RP1: variants seen among roughly 807,000 people sequenced by gnomAD.
RP1 encodes the protein oxygen-regulated protein 1.
A neutral mutation model predicts 14.8 loss-of-function variants in RP1; 16 were observed. The observed-to-expected ratio is 1.08, with a 90% CI of 0.73 to 1.65. The LOEUF (loss-of-function observed/expected upper bound fraction) is 1.65. Ranked by LOEUF, RP1 falls within the 40% of genes most tolerant of loss-of-function variation. The pLI is 0.00. For missense variants in RP1, 2,631 were observed against 2,535.0 expected (o/e 1.04, Z -0.81); for synonymous variants, 876 against 883.6 (o/e 0.99, Z 0.15).
At chr8:54,774,916 T>G (rs906469019), downstream of RP1, among the ~76,000 whole-genome samples, 1 of 152,208 alleles carries the variant, frequency 6.6e-6, no homozygotes, top group African/African-American at 2.4e-5. Flanking sequence ...TATGTCTTGT[T>G]AATCTGAAGC....
At chr8:54,646,436 C>G (rs1303309523) in intron 3 of RP1, among the ~76,000 whole-genome samples, 1 of 152,042 alleles carries the variant, frequency 6.6e-6, no homozygotes, top group South Asian at 2.1e-4. Context: ...GGCCTATTAC[C>G]TCATATAGAT....
At chr8:54,868,900 G>A (rs1563401523) in intron 28 of RP1, among the ~76,000 whole-genome samples, 1 of 152,104 alleles carries the variant, frequency 6.6e-6, no homozygotes, top group South Asian at 2.1e-4. Flanking sequence ...AAGATATAGA[G>A]GGGTTACATT....
intron 25 of RP1, among the ~76,000 whole-genome samples, chr8:54,848,254 C>T (rs1265433235): frequency 6.6e-6 from 1 of 152,192 alleles, no homozygotes; most frequent in Non-Finnish European, 1.5e-5. Flanking sequence ...CAATTTCCAC[C>T]TGCTTCTGCA....
At chr8:54,665,532 G>A (rs1307331963) in intron 7 of RP1, among the ~76,000 whole-genome samples, 7 of 152,106 alleles carry the variant, frequency 4.6e-5, no homozygotes, top group African/African-American at 7.2e-5. Flanking sequence ...GATCAAGTTC[G>A]TTTTTTCCTC....
intron 15 of RP1, among the ~76,000 whole-genome samples, chr8:54,708,363 T>C (rs2129345787): frequency 6.6e-6 from 1 of 151,610 alleles, no homozygotes; most frequent in South Asian, 2.1e-4. Context: ...GTTTTTTTTT[T>C]TTTTCTTTTT....
chr8:54,824,558 A>G (rs561695914), intron 24 of RP1, among the ~76,000 whole-genome samples: 1 of 152,224 alleles, frequency 6.6e-6, no homozygotes, highest in Non-Finnish European at 1.5e-5. Flanking sequence ...AACTCATTCT[A>G]TGAAGCCATT....
intron 9 of RP1, chr8:54,679,377 A>C (rs913397665): frequency 7.4e-5 from 110 of 1,483,682 alleles, no homozygotes; most frequent in Non-Finnish European, 9.9e-5. Flanking sequence ...GGTTAATGTA[A>C]ATATAAAGTC....
intron 1 of RP1, among the ~76,000 whole-genome samples, chr8:54,617,337 G>A (rs187983555): frequency 6.6e-6 from 1 of 152,274 alleles, no homozygotes; most frequent in Admixed American, 6.5e-5. Flanking sequence ...AATTTAAAGG[G>A]CATAAGATAC....
At chr8:54,793,357 C>T (rs969316511) in intron 24 of RP1, among the ~76,000 whole-genome samples, 13 of 151,940 alleles carry the variant, frequency 8.6e-5, no homozygotes, top group African/African-American at 2.4e-4. Context: ...GATACCAAAG[C>T]CAGACAGGAT....
intron 27 of RP1, chr8:54,857,109 A>G: frequency 1.7e-6 from 2 of 1,207,076 alleles, no homozygotes; most frequent in Non-Finnish European, 2.1e-6. Flanking sequence ...AGGTCCAGGT[A>G]AGATTTAGTT....
chr8:54,669,707 A>G (rs1807104799), intron 7 of RP1, among the ~76,000 whole-genome samples: 1 of 152,200 alleles, frequency 6.6e-6, no homozygotes, highest in Non-Finnish European at 1.5e-5. Context: ...ATAAAAAAGG[A>G]TGAGTTCATG....
chr8:54,611,697 A>G (rs140286032), upstream of RP1, among the ~76,000 whole-genome samples: 12 of 152,212 alleles, frequency 7.9e-5, 1 homozygote, highest in South Asian at 2.1e-4. Context: ...TGGCTTCCTC[A>G]GGGACATTTT....
intron 27 of RP1, among the ~76,000 whole-genome samples, chr8:54,861,022 G>T (rs1812330575): frequency 6.6e-6 from 1 of 152,116 alleles, no homozygotes; most frequent in Admixed American, 6.6e-5. Context: ...TAAAGCAAGT[G>T]AAAAGTAATT....
intron 19 of RP1, among the ~76,000 whole-genome samples, chr8:54,744,197 T>G (rs935313843): frequency 6.6e-6 from 1 of 152,208 alleles, no homozygotes; most frequent in African/African-American, 2.4e-5. Context: ...ATGACCATGG[T>G]GCAGAGGCAG....
At chr8:54,622,368 C>A in intron 3 of RP1, 80 bp downstream of exon 3, 1 of 1,192,268 alleles carries the variant, frequency 8.4e-7, no homozygotes, top group Non-Finnish European at 1.2e-6. Flanking sequence ...ATCCATGCTT[C>A]AATGACCAGT....
chr8:54,822,497 A>T (rs1028078331), intron 24 of RP1, among the ~76,000 whole-genome samples: 1 of 152,232 alleles, frequency 6.6e-6, no homozygotes, highest in Non-Finnish European at 1.5e-5. Flanking sequence ...CATTTTGTAA[A>T]TTGTTTATAT....
intron 24 of RP1, among the ~76,000 whole-genome samples, chr8:54,820,482 C>T (rs1811229484): frequency 6.6e-6 from 1 of 152,050 alleles, no homozygotes; most frequent in South Asian, 2.1e-4. Context: ...GGAGGATTCC[C>T]CTCTGGCTGG....
At chr8:54,611,896 C>T (rs12682580), upstream of RP1, among the ~76,000 whole-genome samples, 24,070 of 126,638 alleles carry the variant, frequency 0.19, 2,178 homozygotes, top group East Asian at 0.42. Context: ...TCCCTTCCTT[C>T]CTTCCTTCCT....
At chr8:54,638,746 G>C (rs1223732176) in intron 3 of RP1, among the ~76,000 whole-genome samples, 1 of 151,992 alleles carries the variant, frequency 6.6e-6, no homozygotes, top group Non-Finnish European at 1.5e-5. Flanking sequence ...GTATCCTTTA[G>C]TTCTGGGAAT....
Sources: gnomAD v4.1 joint callset for allele counts (sites outside exome capture counted in the v4.1 genomes callset) on GRCh38, gnomAD v4.1.1 for gene constraint, MANE v1.5 for transcripts, NCBI Gene and HGNC (gene_info 2026-07-23, HGNC 2026-07-21) for gene names.